TTC28: variants seen among roughly 807,000 people sequenced by gnomAD.
The protein encoded by TTC28 is tetratricopeptide repeat domain 28, also known as tetratricopeptide repeat protein 28.
TTC28 carries 61 observed loss-of-function variants against 198.0 expected under a neutral mutation model. The observed-to-expected ratio is 0.31, with a 90% CI of 0.25 to 0.38. The LOEUF is 0.38. Among genes scored for constraint, TTC28 ranks in the 10% least tolerant of loss-of-function variants. The probability of loss-of-function intolerance (pLI) is 1.00; values close to 1 mark genes in which losing one functional copy is unlikely to be tolerated. For synonymous variants in TTC28, 1,171 were observed against 1,297.8 expected (o/e 0.90, Z 2.10); for missense variants, 2,678 against 3,164.0 (o/e 0.85, Z 3.69).
At chr22:28,311,796 C>A (rs564797239) in intron 2 of TTC28, among the ~76,000 whole-genome samples, 24 of 151,930 alleles carry the variant, frequency 1.6e-4, no homozygotes, top group Non-Finnish European at 2.6e-4. Context: ...TTAACTATCT[C>A]ACCTTACTCG....
intron 1 of TTC28, among the ~76,000 whole-genome samples, chr22:28,657,664 A>G (rs2051680207): frequency 6.6e-6 from 1 of 152,202 alleles, no homozygotes; most frequent in African/African-American, 2.4e-5. Context: ...AAATCACTTG[A>G]GGTCAGGAGT....
chr22:28,043,242 C>CAAAAAAAAAAAAAAAAAAAAAAAA (rs11362041), intron 12 of TTC28, among the ~76,000 whole-genome samples: 11 of 65,568 alleles, frequency 1.7e-4, no homozygotes, highest in Admixed American at 2.0e-4. Flanking sequence ...GACTCCATCT[C>CAAAAAAAAAAAAAAAAAAAAAAAA]AAAAAAAAAA....
At chr22:28,405,461 A>G (rs2046985514) in intron 2 of TTC28, among the ~76,000 whole-genome samples, 1 of 152,244 alleles carries the variant, frequency 6.6e-6, no homozygotes, top group African/African-American at 2.4e-5. Flanking sequence ...CTATAGCAGA[A>G]GGTAGAAAGC....
intron 3 of TTC28, among the ~76,000 whole-genome samples, chr22:28,303,196 T>C (rs561477608): frequency 6.6e-6 from 1 of 152,334 alleles, no homozygotes; most frequent in South Asian, 2.1e-4. Context: ...TCTCACTTGG[T>C]AATTACATTA....
intron 2 of TTC28, among the ~76,000 whole-genome samples, chr22:28,400,712 T>C (rs1484976421): frequency 6.6e-6 from 1 of 152,164 alleles, no homozygotes; most frequent in Non-Finnish European, 1.5e-5. Flanking sequence ...TTCAAACTGA[T>C]TGAGATATAT....
chr22:28,028,934 C>A, intron 13 of TTC28: 1 of 468,574 alleles, frequency 2.1e-6, no homozygotes, highest in Middle Eastern at 3.5e-4. Context: ...TCCCTAGTGT[C>A]CTACAGCTTG....
At chr22:28,352,333 A>ATATATATATATATATATATATATC (rs2046011137) in intron 2 of TTC28, among the ~76,000 whole-genome samples, 1 of 141,498 alleles carries the variant, frequency 7.1e-6, no homozygotes, top group African/African-American at 2.6e-5. Flanking sequence ...ATATATATAT[A>ATATATATATATATATATATATATC]TATCTCCCGG....
intron 2 of TTC28, among the ~76,000 whole-genome samples, chr22:28,601,793 C>CACAT (rs2050642793): frequency 6.6e-6 from 1 of 150,700 alleles, no homozygotes; most frequent in African/African-American, 2.4e-5. Context: ...CACACACACA[C>CACAT]ACACACACAC....
chr22:28,466,855 A>ACACCCC (rs912322558), intron 2 of TTC28, among the ~76,000 whole-genome samples: 3 of 147,722 alleles, frequency 2.0e-5, no homozygotes, highest in African/African-American at 7.5e-5. Context: ...ACACACACAC[A>ACACCCC]CCCCTATGCC....
intron 12 of TTC28, among the ~76,000 whole-genome samples, chr22:28,085,350 C>T (rs1043272996): frequency 2.0e-5 from 3 of 152,060 alleles, no homozygotes; most frequent in African/African-American, 7.2e-5. Flanking sequence ...GAGTGGGGGC[C>T]AATATTCAAC....
intron 2 of TTC28, among the ~76,000 whole-genome samples, chr22:28,361,211 A>G (rs2046153306): frequency 2.0e-5 from 3 of 152,238 alleles, no homozygotes; most frequent in Admixed American, 2.0e-4. Context: ...AGGCAGGTCA[A>G]AAGCTGAGAT....
intron 2 of TTC28, among the ~76,000 whole-genome samples, chr22:28,473,088 G>C (rs570725463): frequency 6.6e-6 from 1 of 152,084 alleles, no homozygotes; most frequent in East Asian, 1.9e-4. Context: ...AAAATAAAAA[G>C]AGAAGGTGGC....
intron 15 of TTC28, chr22:27,999,723 A>G: frequency 6.2e-6 from 1 of 160,168 alleles, no homozygotes; most frequent in Non-Finnish European, 1.4e-5. Context: ...GGCTAAACTT[A>G]AGTCCTTTAA....
intron 22 of TTC28, among the ~76,000 whole-genome samples, chr22:27,984,218 G>GCAGT (rs1937128678): frequency 6.6e-6 from 1 of 152,092 alleles, no homozygotes; most frequent in Non-Finnish European, 1.5e-5. Context: ...GGGCATGTGA[G>GCAGT]CAGTCTGTGA....
chr22:28,270,667 G>A (rs1482938771), intron 5 of TTC28, among the ~76,000 whole-genome samples: 1 of 152,026 alleles, frequency 6.6e-6, no homozygotes, highest in Non-Finnish European at 1.5e-5. Flanking sequence ...AAAACTAAAG[G>A]GCAAAGATAG....
chr22:28,406,388 G>C (rs2046998396), intron 2 of TTC28, among the ~76,000 whole-genome samples: 1 of 152,168 alleles, frequency 6.6e-6, no homozygotes, highest in African/African-American at 2.4e-5. Context: ...AGACTGTTTT[G>C]AAACAGTTGT....
intron 2 of TTC28, among the ~76,000 whole-genome samples, chr22:28,500,157 G>T (rs916941452): frequency 3.9e-5 from 6 of 152,036 alleles, no homozygotes; most frequent in Admixed American, 3.9e-4. Context: ...ACCCCTAAAA[G>T]TTCCACATCC....
chr22:28,580,003 T>C (rs965722633), intron 2 of TTC28, among the ~76,000 whole-genome samples: 7 of 151,156 alleles, frequency 4.6e-5, no homozygotes, highest in African/African-American at 1.7e-4. Context: ...CACACACACA[T>C]ACACACACAC....
At chr22:28,653,345 A>G (rs1356731144) in intron 1 of TTC28, among the ~76,000 whole-genome samples, 25 of 152,132 alleles carry the variant, frequency 1.6e-4, no homozygotes. Context: ...CTCTACTAAA[A>G]ATACAAAAAA....
Sources: gnomAD v4.1 joint callset for allele counts (sites outside exome capture counted in the v4.1 genomes callset) on GRCh38, gnomAD v4.1.1 for gene constraint, MANE v1.5 for transcripts, NCBI Gene and HGNC (gene_info 2026-07-23, HGNC 2026-07-21) for gene names.